Variants in PTK2B observed in about 807,000 individuals in gnomAD.
The protein encoded by PTK2B is protein tyrosine kinase 2 beta.
PTK2B carries 71 observed loss-of-function variants against 142.9 expected under a neutral mutation model. That is an observed-to-expected ratio of 0.50 (90% CI 0.41 to 0.61). PTK2B has a LOEUF of 0.61. PTK2B is among the 20% of genes least tolerant of loss of function. The pLI, the probability that PTK2B is intolerant of heterozygous loss-of-function variation, is 0.00. For missense variants in PTK2B, 1,105 were observed against 1,320.4 expected, an observed-to-expected ratio of 0.84 and a Z score of 2.53; for synonymous variants, 519 against 503.4, an observed-to-expected ratio of 1.03 and a Z score of -0.42.
At chr8:27,398,744 C>A (rs1185757421) in intron 2 of PTK2B, among the ~76,000 whole-genome samples, 1 of 152,228 alleles carries the variant, frequency 6.6e-6, no homozygotes, top group East Asian at 1.9e-4. Context: ...TCATAGCCAA[C>A]CTTTCCCATG....
intron 27 of PTK2B, 42 bp from the exon 28 acceptor site, chr8:27,453,072 G>T: frequency 1.2e-6 from 2 of 1,610,824 alleles, no homozygotes; most frequent in Non-Finnish European, 1.7e-6. Context: ...AAGGGTTGGA[G>T]TGCTGAGAAC....
At chr8:27,426,255 A>G (rs922044606) in intron 5 of PTK2B, among the ~76,000 whole-genome samples, 4 of 152,224 alleles carry the variant, frequency 2.6e-5, no homozygotes, top group African/African-American at 9.6e-5. Context: ...TGGTTTAGTT[A>G]TTTCCTTATT....
intron 15 of PTK2B, 109 bp from the exon 16 acceptor site, chr8:27,437,013 G>C: frequency 1.1e-6 from 1 of 949,438 alleles, no homozygotes; most frequent in Non-Finnish European, 1.7e-6. Flanking sequence ...TAGGAGAAAG[G>C]GCCCTTTCCT....
In PTK2B at chr8:27,351,038, TATAC is replaced by T. The variant is rs1241122407; in HGVS notation, c.-38+25358_-38+25361del. Among the ~76,000 whole-genome samples the T allele has an allele frequency of 1.0e-3, 99 of 98,454 alleles. 6 individuals carry two copies. The highest frequency in any genetic ancestry group is 3.9e-3 in the African/African-American group (87 of 22,440). The allele number at this position is 98,454 out of a possible 152,430, so 64.6% of individuals were successfully genotyped here. ...ATATATATATATATATATATATATA[TATAC>T]GTGCTTGGAGCAGGCACAGTGGTGC... On this transcript the variant is annotated intron_variant, in intron 1 of 30. Coordinates refer to ENST00000346049, the MANE Select transcript of PTK2B (RefSeq NM_173176.3).
In PTK2B at chr8:27,420,711, G is replaced by A. The variant is rs1028857429; in HGVS notation, c.438G>A (p.Glu146=). The A allele has an allele frequency of 1.9e-6, 3 of 1,613,988 alleles. No homozygotes were observed. In the African/African-American group the frequency reaches 4.0e-5, roughly 22 times the overall value. Residue 146 remains glutamate, a synonymous_variant, in exon 4 of 31, where the codon GAG becomes GAA. Transcript: ENST00000346049. ...LPEDFMESLK[E]DRTTLLYFYQ... Reference sequence around the variant, plus strand: ...AAGACTTCATGGAGAGCCTGAAGGAGGACAGGACCACGCTGCTCTATTTTT... The same window carrying A: ...AAGACTTCATGGAGAGCCTGAAGGAAGACAGGACCACGCTGCTCTATTTTT...
At chr8:27,358,868 T>C (rs1805533560) in intron 1 of PTK2B, among the ~76,000 whole-genome samples, 2 of 152,152 alleles carry the variant, frequency 1.3e-5, no homozygotes. Context: ...TAGGTTTCTA[T>C]TATTTTAATT....
rs747935209 is a variant in PTK2B, at chr8:27,453,187, TAAATG to T, written c.2595+29_2595+33del. The T allele has an allele frequency of 3.7e-6, 6 of 1,613,360 alleles. No homozygotes were observed. In the African/African-American group the frequency reaches 6.7e-5, roughly 18 times the overall value. On this transcript the variant is annotated intron_variant, in intron 28 of 30. Transcript: ENST00000346049. ...TATGTGTTGGCTCTGCTGAAACTGA[TAAATG>T]AGAGTGGGGGTTGCACAAAACTGAA...
At chr8:27,365,306 A>C (rs1023228076) in intron 1 of PTK2B, among the ~76,000 whole-genome samples, 2 of 152,186 alleles carry the variant, frequency 1.3e-5, no homozygotes, top group Non-Finnish European at 2.9e-5. Context: ...TCGTCTGCCA[A>C]CCTGGTGGGT....
upstream of PTK2B, chr8:27,311,395 A>T: frequency 5.0e-5 from 41 of 823,476 alleles, no homozygotes; most frequent in Middle Eastern, 4.0e-4. Context: ...GGGGATGGCG[A>T]GGGGGAGGGA....
intron 2 of PTK2B, among the ~76,000 whole-genome samples, chr8:27,403,392 C>CT (rs1237962388): frequency 2.6e-5 from 4 of 152,164 alleles, no homozygotes; most frequent in African/African-American, 7.2e-5. Flanking sequence ...TTATTCTCTG[C>CT]TTTTTTTTCT....
At chr8:27,314,540 C>T (rs572441877) in intron 3 of PTK2B, among the ~76,000 whole-genome samples, 2 of 152,350 alleles carry the variant, frequency 1.3e-5, no homozygotes, top group African/African-American at 4.8e-5. Context: ...AATATCCTCC[C>T]CATAGGGCGT....
chr8:27,458,290 A>G lies in PTK2B; in HGVS notation c.2815-4A>G, dbSNP rs370229915. 2 of 1,613,280 alleles carry G rather than the reference A, an allele frequency of 1.2e-6. No homozygotes were observed. The highest frequency in any genetic ancestry group is 1.7e-5 in the Admixed American group (1 of 59,980). On this transcript the variant is annotated splice_polypyrimidine_tract_variant and splice_region_variant and intron_variant, in intron 30 of 30. Transcript: ENST00000346049. ...TCAACCTGTCCTGTGTGATCTTCCT[A>G]CAGATCGAGGGCACCCAGAAACTGC...
At chr8:27,435,646 G>A (rs1422326131) in intron 13 of PTK2B, 97 bp from the exon 14 acceptor site, 2 of 1,450,424 alleles carry the variant, frequency 1.4e-6, no homozygotes, top group East Asian at 4.5e-5. Flanking sequence ...ACCCCCTTGG[G>A]CTCCACTGGC....
intron 1 of PTK2B, among the ~76,000 whole-genome samples, chr8:27,348,460 A>G (rs1192722735): frequency 6.6e-6 from 1 of 152,070 alleles, no homozygotes; most frequent in African/African-American, 2.4e-5. Flanking sequence ...CACCTCCTGG[A>G]ACTCCAGCCT....
intron 1 of PTK2B, among the ~76,000 whole-genome samples, chr8:27,346,326 G>A (rs1207601101): frequency 6.6e-6 from 1 of 152,128 alleles, no homozygotes; most frequent in Non-Finnish European, 1.5e-5. Context: ...GTTTGAACCA[G>A]GAGTTCAAGA....
At chr8:27,398,841 C>T (rs528939080) in intron 2 of PTK2B, among the ~76,000 whole-genome samples, 9 of 152,346 alleles carry the variant, frequency 5.9e-5, no homozygotes, top group East Asian at 1.9e-4. Flanking sequence ...GGCTGCCTTC[C>T]GTCTGCTATA....
At chr8:27,400,098 T>C (rs1466005695) in intron 2 of PTK2B, among the ~76,000 whole-genome samples, 1 of 152,208 alleles carries the variant, frequency 6.6e-6, no homozygotes, top group Non-Finnish European at 1.5e-5. Context: ...TCTGTCTTAT[T>C]TTCAAATAAA....
chr8:27,376,003 G>A (rs1235378833), intron 1 of PTK2B, among the ~76,000 whole-genome samples: 1 of 152,246 alleles, frequency 6.6e-6, no homozygotes, highest in Non-Finnish European at 1.5e-5. Flanking sequence ...GCTGTGGGAT[G>A]AAGAGGTTTG....
intron 1 of PTK2B, among the ~76,000 whole-genome samples, chr8:27,336,976 C>A (rs950368488): frequency 2.9e-5 from 4 of 138,938 alleles, no homozygotes; most frequent in African/African-American, 1.1e-4. Flanking sequence ...CACCACCCGT[C>A]CCCCCTCCCC....
Sources: allele counts gnomAD v4.1 joint callset (sites outside exome capture counted in the v4.1 genomes callset), GRCh38; gene constraint gnomAD v4.1.1; transcripts MANE v1.5; gene names NCBI Gene and HGNC (gene_info 2026-07-23, HGNC 2026-07-21).